The following EBF1 variants were observed in gnomAD, a reference collection of about 807,000 sequenced individuals.
EBF1 encodes transcription factor COE1.
In EBF1, 10 loss-of-function variants were observed where a neutral mutation model predicts 68.4. The ratio of observed to expected loss-of-function variants is 0.15; its 90% confidence interval spans 0.09 to 0.25. The LOEUF is 0.25. Among genes scored for constraint, EBF1 ranks in the 10% least tolerant of loss-of-function variants. The pLI is 1.00. For missense variants in EBF1, 509 were observed against 794.4 expected (o/e 0.64, Z 4.32); for synonymous variants, 298 against 299.8 (o/e 0.99, Z 0.06).
intron 6 of EBF1, among the ~76,000 whole-genome samples, chr5:159,014,039 CT>C (rs1765177696): frequency 6.6e-6 from 1 of 152,162 alleles, no homozygotes; most frequent in Admixed American, 6.5e-5. Flanking sequence ...CAACATTGGG[CT>C]TCCTAAGCAC....
intron 6 of EBF1, among the ~76,000 whole-genome samples, chr5:159,019,913 G>A (rs1165273300): frequency 6.6e-6 from 1 of 151,924 alleles, no homozygotes; most frequent in Non-Finnish European, 1.5e-5. Flanking sequence ...TAATTCCTGA[G>A]AAAGTCAGAT....
intron 10 of EBF1, among the ~76,000 whole-genome samples, chr5:158,770,836 CA>C (rs1773731626): frequency 6.6e-6 from 1 of 152,098 alleles, no homozygotes; most frequent in South Asian, 2.1e-4. Context: ...ATGTGCTGAT[CA>C]AAAGCGCTGT....
chr5:158,737,708 T>C (rs1377218699), intron 10 of EBF1, among the ~76,000 whole-genome samples: 1 of 152,116 alleles, frequency 6.6e-6, no homozygotes, highest in Admixed American at 6.5e-5. Context: ...TTAGGTGCCT[T>C]GAGTGGTTAC....
chr5:159,078,030 A>G (rs1334855018), intron 5 of EBF1, among the ~76,000 whole-genome samples: 8 of 152,044 alleles, frequency 5.3e-5, no homozygotes, highest in Non-Finnish European at 1.0e-4. Flanking sequence ...GCAAGCCACC[A>G]CGCCCAGGCT....
intron 6 of EBF1, chr5:158,941,168 G>A (rs111796515): frequency 6.8e-5 from 31 of 455,714 alleles, no homozygotes; most frequent in African/African-American, 3.4e-4. Context: ...AACCATTCAC[G>A]CACCTCAGGT....
At chr5:158,722,542 A>G (rs986312665) in intron 11 of EBF1, among the ~76,000 whole-genome samples, 6 of 152,238 alleles carry the variant, frequency 3.9e-5, no homozygotes, top group African/African-American at 1.4e-4. Flanking sequence ...TTTTGGACGT[A>G]TACTATAGGG....
chr5:159,096,576 T>G, intron 2 of EBF1, 170 bp from the exon 3 acceptor site: 1 of 692,702 alleles, frequency 1.4e-6, no homozygotes, highest in Non-Finnish European at 2.5e-6. Context: ...CTCCGCCCCC[T>G]GTTCCTGACT....
intron 2 of EBF1, 30 bp from the exon 3 acceptor site, chr5:159,096,436 G>A: frequency 6.2e-7 from 1 of 1,609,274 alleles, no homozygotes. Context: ...AAAGACACAA[G>A]AGATGCAGGA....
At chr5:159,047,858 C>T (rs1178731389) in intron 6 of EBF1, among the ~76,000 whole-genome samples, 1 of 152,108 alleles carries the variant, frequency 6.6e-6, no homozygotes, top group Non-Finnish European at 1.5e-5. Context: ...CTCACATCCC[C>T]CATCAAAGTC....
At chr5:159,024,819 C>A (rs1561822791) in intron 6 of EBF1, among the ~76,000 whole-genome samples, 1 of 152,206 alleles carries the variant, frequency 6.6e-6, no homozygotes, top group Non-Finnish European at 1.5e-5. Flanking sequence ...GCCATTGAGT[C>A]TGGAAGTAGA....
chr5:158,728,732 GT>G (rs1015391135), intron 11 of EBF1, among the ~76,000 whole-genome samples: 6 of 151,752 alleles, frequency 4.0e-5, no homozygotes, highest in Admixed American at 3.9e-4. Flanking sequence ...CCTAGCTAAC[GT>G]TTTTTTTAGT....
At chr5:158,878,955 C>A (rs1272609566) in intron 6 of EBF1, among the ~76,000 whole-genome samples, 1 of 152,020 alleles carries the variant, frequency 6.6e-6, no homozygotes, top group Non-Finnish European at 1.5e-5. Context: ...GCCTAGCCAG[C>A]CTAAATTTGT....
At chr5:158,982,847 T>C (rs1426113845) in intron 6 of EBF1, among the ~76,000 whole-genome samples, 1 of 152,180 alleles carries the variant, frequency 6.6e-6, no homozygotes, top group Non-Finnish European at 1.5e-5. Context: ...TATGAAACTC[T>C]TGATTTAACC....
At chr5:158,811,769 A>G (rs1241445160) in intron 8 of EBF1, among the ~76,000 whole-genome samples, 1 of 152,188 alleles carries the variant, frequency 6.6e-6, no homozygotes, top group African/African-American at 2.4e-5. Flanking sequence ...GTCAAAGAGT[A>G]AACAACCTAT....
intron 6 of EBF1, among the ~76,000 whole-genome samples, chr5:158,843,526 C>T (rs1790762372): frequency 6.6e-6 from 1 of 152,138 alleles, no homozygotes; most frequent in Non-Finnish European, 1.5e-5. Context: ...TGGCAGAGTC[C>T]CCCGCCTGCC....
intron 10 of EBF1, among the ~76,000 whole-genome samples, chr5:158,746,566 A>G (rs1767612182): frequency 6.6e-6 from 1 of 152,146 alleles, no homozygotes; most frequent in African/African-American, 2.4e-5. Flanking sequence ...AACTGGAATT[A>G]AGAGACTGAA....
At chr5:158,786,947 C>T (rs760621820) in intron 9 of EBF1, among the ~76,000 whole-genome samples, 8 of 152,166 alleles carry the variant, frequency 5.3e-5, no homozygotes, top group African/African-American at 9.7e-5. Context: ...GATGTCAAAG[C>T]TTTACGATAC....
intron 6 of EBF1, chr5:158,983,295 T>C (rs1758286198): frequency 6.6e-6 from 1 of 152,176 alleles, no homozygotes; most frequent in South Asian, 2.1e-4. Flanking sequence ...TTTTTCTGTA[T>C]ATAAAGTGTG....
rs534406342 is a variant in EBF1 at position 159,087,533 on chromosome 5, A to C, written c.412-2794T>G. Among the ~76,000 whole-genome samples the C allele has an allele frequency of 1.1e-3, 170 of 151,888 alleles. 3 individuals carry two copies. The highest frequency in any genetic ancestry group is 3.8e-3 in the African/African-American group (156 of 41,462). On this transcript the variant is annotated intron_variant, in intron 4 of 15. Coordinates refer to ENST00000313708, the MANE Select transcript of EBF1 (RefSeq NM_024007.5). Reference sequence around the variant, plus strand: ...GGCAGGGGGAATTATCAGTTACATCAGATCTTTTTATTTCAATTCTTTCTA... The same window carrying C: ...GGCAGGGGGAATTATCAGTTACATCCGATCTTTTTATTTCAATTCTTTCTA...
Sources: gnomAD v4.1 joint callset for allele counts (sites outside exome capture counted in the v4.1 genomes callset) on GRCh38, gnomAD v4.1.1 for gene constraint, MANE v1.5 for transcripts, NCBI Gene and HGNC (gene_info 2026-07-23, HGNC 2026-07-21) for gene names.